ANO2: variants seen among roughly 807,000 people sequenced by gnomAD.
The protein encoded by ANO2 is anoctamin 2, also known as anoctamin-2.
In ANO2, 101 loss-of-function variants were observed where a neutral mutation model predicts 124.2. The ratio of observed to expected loss-of-function variants is 0.81; its 90% CI spans 0.69 to 0.96. The LOEUF (loss-of-function observed/expected upper bound fraction) is 0.96, where lower values mean the gene tolerates loss of function less well. ANO2 is among the 40% of genes least tolerant of loss of function. The pLI is 0.00. For missense variants in ANO2, 1,293 were observed against 1,274.5 expected (o/e 1.01, Z -0.22); for synonymous variants, 486 against 482.5 (o/e 1.01, Z -0.09).
chr12:5,576,074 A>G, intron 22 of ANO2, 59 bp from the exon 23 acceptor site: 13 of 1,468,464 alleles, frequency 8.9e-6, no homozygotes, highest in Non-Finnish European at 1.2e-5. Flanking sequence ...AGGACTGTCC[A>G]CTCTTAGGCT....
At chr12:5,646,946 G>A (rs1946668714) in intron 15 of ANO2, among the ~76,000 whole-genome samples, 1 of 152,120 alleles carries the variant, frequency 6.6e-6, no homozygotes. Flanking sequence ...CCAATTTTTG[G>A]AATAAGTGAT....
At chr12:5,647,823 G>A in intron 14 of ANO2, 22 bp from the exon 15 acceptor site, 1 of 1,577,816 alleles carries the variant, frequency 6.3e-7, no homozygotes, top group Non-Finnish European at 8.7e-7. Context: ...CGGGAGAGTA[G>A]AGACAATCAG....
rs10623130 is a variant in ANO2 at position 5,837,293 on chromosome 12, C to CTTTT, written c.634-4694_634-4691dup. Among the ~76,000 whole-genome samples the CTTTT allele has an allele frequency of 5.3e-4, 51 of 95,558 alleles. 1 individual carries two copies. Among genetic ancestry groups the CTTTT allele is most frequent in the South Asian group, 1.7e-3 (4 of 2,348 alleles). The allele number at this position is 95,558 out of a possible 152,430, so 62.7% of individuals were successfully genotyped here. On this transcript the variant is annotated intron_variant, in intron 4 of 24. Transcript: ENST00000682330. ...GCCTGCATTTAGTTGATGCAGATTT[C>CTTTT]TTTTTTTTTTTTTTTTTTTATGATT...
intron 10 of ANO2, among the ~76,000 whole-genome samples, chr12:5,761,003 C>T (rs923753408): frequency 6.0e-5 from 9 of 149,002 alleles, no homozygotes; most frequent in Admixed American, 2.7e-4. Flanking sequence ...TTCCGTGGGG[C>T]TCTGTAGTAA....
intron 14 of ANO2, among the ~76,000 whole-genome samples, chr12:5,687,462 T>C (rs1948753553): frequency 6.6e-6 from 1 of 152,258 alleles, no homozygotes; most frequent in Admixed American, 6.5e-5. Flanking sequence ...ACGAAGCATG[T>C]GCAATTTCCT....
At position 5,803,164 on chromosome 12, in the gene ANO2, G is replaced by A. The variant is rs79934246; in HGVS notation, c.990+2888C>T. On this transcript the variant is annotated intron_variant, in intron 9 of 24. Transcript: ENST00000682330. Reference sequence around the variant, plus strand: ...GCCACCTTGGAGGCATTCAAGGGACGGGGCATCCTGAATGGAAGAGACTTA... The same window carrying A: ...GCCACCTTGGAGGCATTCAAGGGACAGGGCATCCTGAATGGAAGAGACTTA... Among the ~76,000 whole-genome samples the A allele has an allele frequency of 7.2e-5, 11 of 152,236 alleles. No homozygotes were observed. In the East Asian group the frequency reaches 1.7e-3, roughly 24 times the overall value.
In ANO2 at chr12:5,568,205, T is replaced by C. The variant is rs543717167; in HGVS notation, c.2622-2542A>G. Among the ~76,000 whole-genome samples, 441 of 147,814 alleles carry C rather than the reference T, an allele frequency of 3.0e-3. 2 individuals carry two copies. Among genetic ancestry groups the C allele is most frequent in the African/African-American group, 0.011 (426 of 39,794 alleles). On this transcript the variant is annotated intron_variant, in intron 23 of 24. Transcript: ENST00000682330. ...CCCAGGCTGGAGTGCAGGAACGTGA[T>C]CTCGGCTCACTGCAACCTCCGCCTC...
At chr12:5,676,777 G>T (rs1186474342) in intron 14 of ANO2, among the ~76,000 whole-genome samples, 3 of 152,118 alleles carry the variant, frequency 2.0e-5, no homozygotes, top group Non-Finnish European at 4.4e-5. Context: ...AAACAGGCTG[G>T]GCCCGGTGGC....
chr12:5,851,041 C>T (rs1043723901), intron 4 of ANO2, among the ~76,000 whole-genome samples: 26 of 111,714 alleles, frequency 2.3e-4, no homozygotes, highest in Non-Finnish European at 1.5e-4. Flanking sequence ...AACTGCAGAA[C>T]CAAGGTTAGA....
chr12:5,768,218 G>A (rs774043025), intron 10 of ANO2, among the ~76,000 whole-genome samples: 1 of 152,066 alleles, frequency 6.6e-6, no homozygotes, highest in Non-Finnish European at 1.5e-5. Context: ...TCTCACAGCC[G>A]CATGGTTTCA....
intron 16 of ANO2, among the ~76,000 whole-genome samples, chr12:5,625,564 G>A (rs1228006827): frequency 1.3e-5 from 2 of 152,090 alleles, no homozygotes; most frequent in Admixed American, 1.3e-4. Flanking sequence ...TTAAATTCTT[G>A]GCCCCTATGC....
chr12:5,776,015 A>G (rs532828196), intron 10 of ANO2, among the ~76,000 whole-genome samples: 15 of 152,262 alleles, frequency 9.9e-5, no homozygotes, highest in Non-Finnish European at 2.2e-4. Flanking sequence ...TAGGCCTGCC[A>G]AGGCTATTTA....
chr12:5,703,963 T>C (rs1949504901), intron 14 of ANO2, among the ~76,000 whole-genome samples: 1 of 152,218 alleles, frequency 6.6e-6, no homozygotes, highest in African/African-American at 2.4e-5. Flanking sequence ...TCTGACAATA[T>C]CCATTCACCT....
intron 10 of ANO2, among the ~76,000 whole-genome samples, chr12:5,756,892 G>T (rs1051790618): frequency 3.3e-5 from 5 of 152,374 alleles, no homozygotes; most frequent in Admixed American, 1.3e-4. Context: ...CCTGCTCTGT[G>T]GAAGTGGTCA....
chr12:5,799,708 T>A, intron 9 of ANO2, 137 bp from the exon 10 acceptor site: 1 of 760,094 alleles, frequency 1.3e-6, no homozygotes, highest in Admixed American at 2.2e-5. Context: ...CAGGGGGAGA[T>A]GTTCAGAATC....
rs1185928538 is a variant in ANO2, at chr12:5,579,991, T to TTGTGTG, written c.2234-1474_2234-1473insCACACA. ...CAGCCATCACTGTGTGCTTCTGTGA[T>TTGTGTG]TGACTTGCTCACACATCTTTATTTC... On this transcript the variant is annotated intron_variant, in intron 20 of 24. Coordinates refer to ENST00000682330, the MANE Select transcript of ANO2 (RefSeq NM_001364791.2). Among the ~76,000 whole-genome samples the TTGTGTG allele has an allele frequency of 2.6e-5, 4 of 152,326 alleles. No individual in the cohort carries two copies. The East Asian group carries it at 7.7e-4, about 29-fold the overall frequency.
chr12:5,815,416 G>C (rs1033927321), intron 7 of ANO2, among the ~76,000 whole-genome samples: 1 of 152,212 alleles, frequency 6.6e-6, no homozygotes. Context: ...TGTTCTTAAT[G>C]ATGATCTTGA....
chr12:5,748,141 A>C (rs970544225), intron 11 of ANO2, among the ~76,000 whole-genome samples: 2 of 152,160 alleles, frequency 1.3e-5, no homozygotes, highest in Admixed American at 6.5e-5. Context: ...GGCTGTGTGC[A>C]TCTGTGCATA....
intron 14 of ANO2, among the ~76,000 whole-genome samples, chr12:5,680,278 T>C (rs1040558801): frequency 2.0e-5 from 3 of 152,124 alleles, no homozygotes; most frequent in African/African-American, 7.2e-5. Context: ...TCTGCACATG[T>C]GCCCCAGAAC....
Sources: allele counts gnomAD v4.1 joint callset (sites outside exome capture counted in the v4.1 genomes callset), GRCh38; gene constraint gnomAD v4.1.1; transcripts MANE v1.5; gene names NCBI Gene and HGNC (gene_info 2026-07-23, HGNC 2026-07-21).